AOPEP: variants seen among roughly 807,000 people sequenced by gnomAD.
The protein encoded by AOPEP is aminopeptidase O.
AOPEP carries 77 observed loss-of-function variants against 98.1 expected under a neutral mutation model. That is an observed-to-expected ratio of 0.78 (90% CI 0.65 to 0.95). The LOEUF (loss-of-function observed/expected upper bound fraction) is 0.95. Ranked by LOEUF, AOPEP falls within the 40% of genes least tolerant of loss-of-function variation. The pLI is 0.00. For missense variants in AOPEP, 1,024 were observed against 1,024.7 expected (o/e 1.00, Z 0.01); for synonymous variants, 346 against 365.3 (o/e 0.95, Z 0.60).
At chr9:94,943,844 C>T (rs1297913726) in intron 7 of AOPEP, among the ~76,000 whole-genome samples, 2 of 137,110 alleles carry the variant, frequency 1.5e-5, no homozygotes, top group South Asian at 2.5e-4. Flanking sequence ...CACTTGAACC[C>T]GAGGGGCAGA....
intron 14 of AOPEP, among the ~76,000 whole-genome samples, chr9:95,068,599 TTATATGA>T (rs2068152768): frequency 6.6e-6 from 1 of 152,218 alleles, no homozygotes; most frequent in Admixed American, 6.5e-5. Context: ...AAATATACTC[TTATATGA>T]TGGTATCCCT....
intron 5 of AOPEP, among the ~76,000 whole-genome samples, chr9:94,813,072 C>T (rs185181074): frequency 7.2e-5 from 11 of 152,004 alleles, no homozygotes; most frequent in Admixed American, 2.6e-4. Flanking sequence ...TAGGAATTCT[C>T]GTGGGTTTTC....
At chr9:95,137,667 C>T in the AOPEP span, among the ~76,000 whole-genome samples, 3 of 152,140 alleles carry the variant, frequency 2.0e-5, no homozygotes, top group Non-Finnish European at 4.4e-5. Context: ...TCAATAGGTC[C>T]TTGAATATCC....
the AOPEP span, among the ~76,000 whole-genome samples, chr9:95,132,537 T>C: frequency 6.6e-6 from 1 of 152,128 alleles, no homozygotes; most frequent in African/African-American, 2.4e-5. Flanking sequence ...GTACAGTAAA[T>C]GACAATCTAG....
At chr9:95,125,173 C>G in the AOPEP span, 10 of 1,614,070 alleles carry the variant, frequency 6.2e-6, no homozygotes, top group Non-Finnish European at 8.5e-6. Flanking sequence ...CATCGGTTTC[C>G]AGGAGTGCAC....
At chr9:94,786,321 C>T (rs1484496133) in intron 3 of AOPEP, among the ~76,000 whole-genome samples, 1 of 152,084 alleles carries the variant, frequency 6.6e-6, no homozygotes, top group Non-Finnish European at 1.5e-5. Flanking sequence ...AGTGATGTGC[C>T]CAAACTGGTA....
At chr9:94,764,192 T>A (rs1053668070) in intron 2 of AOPEP, among the ~76,000 whole-genome samples, 4 of 152,194 alleles carry the variant, frequency 2.6e-5, no homozygotes, top group Non-Finnish European at 4.4e-5. Context: ...CAAAAGCTCT[T>A]AACTCCAATC....
chr9:94,900,749 G>A (rs756455990), intron 5 of AOPEP: 5 of 152,172 alleles, frequency 3.3e-5, no homozygotes, highest in Non-Finnish European at 7.3e-5. Flanking sequence ...GGAGAGTGGG[G>A]CATGTAGACA....
intron 5 of AOPEP, among the ~76,000 whole-genome samples, chr9:94,919,566 G>A (rs905431093): frequency 6.6e-6 from 1 of 152,178 alleles, no homozygotes; most frequent in African/African-American, 2.4e-5. Flanking sequence ...TTTAGAAGAA[G>A]GGGCAGGGGC....
At chr9:94,939,259 A>T (rs1474739520) in intron 7 of AOPEP, among the ~76,000 whole-genome samples, 1 of 152,062 alleles carries the variant, frequency 6.6e-6, no homozygotes, top group East Asian at 1.9e-4. Flanking sequence ...GAAAAAAAAA[A>T]AAAAAAGAAG....
chr9:94,800,951 G>C lies in AOPEP; in HGVS notation c.1313G>C (p.Arg438Pro). 1 of 1,614,138 alleles carries C rather than the reference G, an allele frequency of 6.2e-7. No individual in the cohort carries two copies. Among genetic ancestry groups the C allele is most frequent in the Non-Finnish European group, 8.5e-7 (1 of 1,180,026 alleles). Residue 438 changes from arginine (R) to proline (P), a missense_variant, in exon 5 of 17, where the codon CGG (arginine) becomes CCG (proline). Around this residue, in one of 3 missense-constraint regions of AOPEP, gnomAD observed 566 missense variants for 551.7 expected, o/e 1.03. Transcript: ENST00000375315. ...GTTCTGGGAGCACACCCGTTCTCTCGGCTGGATGTTCTCATCGTCCCTGCC... is the reference window on the plus strand; with the variant it reads ...GTTCTGGGAGCACACCCGTTCTCTCCGCTGGATGTTCTCATCGTCCCTGCC... ...HSVLGAHPFSRLDVLIVPANF... is the reference protein window; with the variant it reads ...HSVLGAHPFSPLDVLIVPANF...
intron 4 of AOPEP, among the ~76,000 whole-genome samples, chr9:94,800,223 A>G (rs548314701): frequency 6.6e-6 from 1 of 152,304 alleles, no homozygotes; most frequent in African/African-American, 2.4e-5. Flanking sequence ...TATTCAGTAA[A>G]ATGGTTTGTG....
Position 94,924,178 on chromosome 9 carries a change from G to A in AOPEP, c.1554+3G>A. 7.3e-7 allele frequency: 1 copy of A among 1,367,242 alleles called. No individual in the cohort carries two copies. The highest frequency in any genetic ancestry group is 1.8e-5 in the South Asian group (1 of 54,926). 84.7% of individuals were successfully genotyped at this position (1,367,242 alleles called of 1,614,324 possible). A position where few individuals can be genotyped will look rare whatever the true frequency, so the allele number is the denominator to read the frequency against. ...TGTTTTGGGCCACAGCACAGCAGGT[G>A]GGTTAAAGTGACCCTAAGTATTTCA... On this transcript the variant is annotated splice_donor_region_variant and intron_variant, in intron 6 of 16. Transcript: ENST00000375315.
At chr9:94,890,671 G>T (rs971218722) in intron 5 of AOPEP, among the ~76,000 whole-genome samples, 11 of 152,020 alleles carry the variant, frequency 7.2e-5, no homozygotes, top group South Asian at 2.1e-4. Flanking sequence ...ACAAACTTTG[G>T]TTTTTTCATT....
chr9:94,919,593 A>G (rs1453697206), intron 5 of AOPEP, among the ~76,000 whole-genome samples: 1 of 152,128 alleles, frequency 6.6e-6, no homozygotes, highest in African/African-American at 2.4e-5. Context: ...TTCGGCTTGT[A>G]AATGTGTAGG....
At chr9:94,968,097 A>G (rs59246309) in intron 10 of AOPEP, among the ~76,000 whole-genome samples, 11,796 of 152,222 alleles carry the variant, frequency 0.077, 1,146 homozygotes, top group African/African-American at 0.23. Context: ...AAAGAATGGA[A>G]GAGAGGAAGG....
intron 15 of AOPEP, 50 bp downstream of exon 15, chr9:95,080,830 A>G (rs1444384995): frequency 2.2e-5 from 27 of 1,212,886 alleles, no homozygotes; most frequent in Non-Finnish European, 3.2e-5. Flanking sequence ...CTGTCCCTGC[A>G]CTTCACACAG....
intron 9 of AOPEP, among the ~76,000 whole-genome samples, chr9:94,962,187 C>T (rs1382494365): frequency 1.3e-5 from 2 of 152,194 alleles, no homozygotes; most frequent in African/African-American, 2.4e-5. Flanking sequence ...AATTCCCTCT[C>T]AATTAATATT....
intron 5 of AOPEP, among the ~76,000 whole-genome samples, chr9:94,840,173 C>G (rs932079338): frequency 6.6e-6 from 1 of 152,200 alleles, no homozygotes; most frequent in Non-Finnish European, 1.5e-5. Flanking sequence ...ACAGTCCCTT[C>G]TACTCCTAAT....
Sources: allele counts gnomAD v4.1 joint callset (sites outside exome capture counted in the v4.1 genomes callset), GRCh38; gene constraint gnomAD v4.1.1; regional missense constraint gnomAD v4.1.1; transcripts MANE v1.5; gene names NCBI Gene and HGNC (gene_info 2026-07-23, HGNC 2026-07-21).